Variants in SORCS3 observed in about 807,000 individuals in gnomAD.
The protein encoded by SORCS3 is sortilin related VPS10 domain containing receptor 3, also known as VPS10 domain-containing receptor SorCS3.
SORCS3 carries 57 observed loss-of-function variants against 146.3 expected under a neutral mutation model. The observed-to-expected ratio is 0.39, with a 90% CI of 0.31 to 0.49. The LOEUF (loss-of-function observed/expected upper bound fraction) is 0.49, where lower values mean the gene tolerates loss of function less well. Ranked by LOEUF, SORCS3 falls within the 20% of genes least tolerant of loss-of-function variation. The pLI, the probability that SORCS3 is intolerant of heterozygous loss-of-function variation, is 0.92. For missense variants in SORCS3, 1,341 were observed against 1,575.5 expected (o/e 0.85, Z 2.52); for synonymous variants, 653 against 618.5 (o/e 1.06, Z -0.83).
intron 3 of SORCS3, among the ~76,000 whole-genome samples, chr10:104,937,813 C>A (rs771763622): frequency 2.6e-5 from 4 of 152,230 alleles, no homozygotes; most frequent in Admixed American, 6.5e-5. Flanking sequence ...TGGACCTTGC[C>A]ACACTAATGG....
intron 1 of SORCS3, among the ~76,000 whole-genome samples, chr10:104,687,014 T>TATTCATCCATCCATGCATCCATGCATGA (rs1269557358): frequency 6.6e-6 from 1 of 151,964 alleles, no homozygotes; most frequent in African/African-American, 2.4e-5. Flanking sequence ...TCCATCTATC[T>TATTCATCCATCCATGCATCCATGCATGA]ATTCATCCAT....
At chr10:104,947,968 C>T (rs746366508) in intron 3 of SORCS3, among the ~76,000 whole-genome samples, 3 of 152,132 alleles carry the variant, frequency 2.0e-5, no homozygotes, top group Admixed American at 6.5e-5. Flanking sequence ...AAACAAAACT[C>T]CTTTTGTCTG....
rs535339929 is a variant in SORCS3, at chr10:104,991,117, T to G, written c.954+13624T>G. 5.3e-4 allele frequency among the ~76,000 whole-genome samples: 81 copies of G among 152,142 alleles called. 1 individual carries two copies. The highest frequency in any genetic ancestry group is 7.1e-4 in the Non-Finnish European group (48 of 68,014). On this transcript the variant is annotated intron_variant, in intron 4 of 26. Transcript: ENST00000369701. ...AGAGACGGTGCATCCAGGACATACT[T>G]TTGACTCCAGTTTCCATTGATCCCT...
chr10:104,661,629 A>G (rs1400196768), intron 1 of SORCS3, among the ~76,000 whole-genome samples: 2 of 152,180 alleles, frequency 1.3e-5, no homozygotes, highest in African/African-American at 4.8e-5. Context: ...TTACCTATAT[A>G]TTTATTAATA....
intron 1 of SORCS3, among the ~76,000 whole-genome samples, chr10:104,706,841 A>G (rs2016343241): frequency 1.3e-5 from 2 of 152,354 alleles, no homozygotes; most frequent in East Asian, 3.9e-4. Flanking sequence ...TAGGTCTATA[A>G]TGACTTTTTC....
intron 4 of SORCS3, among the ~76,000 whole-genome samples, chr10:104,984,837 T>C (rs963735346): frequency 6.6e-6 from 1 of 152,222 alleles, no homozygotes; most frequent in African/African-American, 2.4e-5. Flanking sequence ...TGTAGTCTAT[T>C]AAGTGTATAA....
At chr10:105,205,241 G>A (rs1054063583) in intron 16 of SORCS3, among the ~76,000 whole-genome samples, 1 of 152,150 alleles carries the variant, frequency 6.6e-6, no homozygotes, top group Non-Finnish European at 1.5e-5. Flanking sequence ...AAGAATTGAG[G>A]AATGCAACCT....
chr10:105,155,895 G>A (rs932601678), intron 9 of SORCS3, among the ~76,000 whole-genome samples: 22 of 152,080 alleles, frequency 1.4e-4, no homozygotes, highest in Admixed American at 1.2e-3. Flanking sequence ...CCATTTGTTT[G>A]TTTGTTTATT....
intron 1 of SORCS3, among the ~76,000 whole-genome samples, chr10:104,740,311 C>A (rs2016826500): frequency 6.6e-6 from 1 of 152,112 alleles, no homozygotes; most frequent in Admixed American, 6.5e-5. Context: ...AGTTTTGTAT[C>A]CCTTGATAAA....
At chr10:105,234,966 T>C (rs1377015504) in intron 20 of SORCS3, among the ~76,000 whole-genome samples, 1 of 152,094 alleles carries the variant, frequency 6.6e-6, no homozygotes, top group Non-Finnish European at 1.5e-5. Flanking sequence ...GGAATGGCTG[T>C]AAATAAGTCT....
intron 3 of SORCS3, among the ~76,000 whole-genome samples, chr10:104,920,560 T>C (rs967040513): frequency 3.9e-5 from 6 of 152,132 alleles, no homozygotes; most frequent in Non-Finnish European, 5.9e-5. Flanking sequence ...GGTAAGAAAA[T>C]AGACTTTGAT....
At chr10:104,693,068 C>T (rs2016133325) in intron 1 of SORCS3, among the ~76,000 whole-genome samples, 1 of 152,180 alleles carries the variant, frequency 6.6e-6, no homozygotes, top group African/African-American at 2.4e-5. Flanking sequence ...CCTCTTTGAG[C>T]CACATAAGCT....
In SORCS3 at chr10:105,262,489, T is replaced by G. The variant is rs199505192; in HGVS notation, c.3602T>G (p.Ile1201Arg). Residue 1201 changes from isoleucine to arginine, a missense_variant and splice_region_variant, in exon 26 of 27, where the codon ATA becomes AGA. By Grantham distance (97) the Ile-to-Arg change is moderately conservative (BLOSUM62 -3). Coordinates refer to ENST00000369701, the MANE Select transcript of SORCS3 (RefSeq NM_014978.3). ...LLDKELDTRV[I>R]GGIATIANSE... ...GACAAAGAGCTGGACACGCGGGTCA[T>G]AGGTACATGCTCCTGCTCCACTAAG... is the stretch of plus-strand genomic sequence containing the variant. 349 of 1,613,206 alleles carry G rather than the reference T, an allele frequency of 2.2e-4. 1 individual carries two copies. Among genetic ancestry groups the G allele is most frequent in the Non-Finnish European group, 2.7e-4 (324 of 1,179,760 alleles).
chr10:104,854,547 A>C (rs1312125399), intron 2 of SORCS3, among the ~76,000 whole-genome samples: 1 of 152,174 alleles, frequency 6.6e-6, no homozygotes, highest in Non-Finnish European at 1.5e-5. Flanking sequence ...ATCCACCAAC[A>C]TTATACAGAT....
At position 105,147,652 on chromosome 10, in the gene SORCS3, A is replaced by G. The variant is rs776198710; in HGVS notation, c.1338A>G (p.Val446=). The G allele has an allele frequency of 1.9e-6, 3 of 1,612,910 alleles. No homozygotes were observed. The highest frequency in any genetic ancestry group is 1.7e-6 in the Non-Finnish European group (2 of 1,179,166). Residue 446 remains valine, a synonymous_variant, in exon 9 of 27, where the codon GTA becomes GTG. Coordinates refer to ENST00000369701, the MANE Select transcript of SORCS3 (RefSeq NM_014978.3). ...TCATCAGTACAGACGAGAACCAAGT[A>G]TTTGCTGCGGTCCAAGAATGGAACC... ...MHIISTDENQ[V]FAAVQEWNQN...
intron 1 of SORCS3, among the ~76,000 whole-genome samples, chr10:104,730,734 G>C (rs2133452650): frequency 6.6e-6 from 1 of 152,288 alleles, no homozygotes; most frequent in South Asian, 2.1e-4. Context: ...ATGTTAGAAG[G>C]CACCTCTTCA....
intron 1 of SORCS3, among the ~76,000 whole-genome samples, chr10:104,766,262 C>G (rs2017178560): frequency 6.6e-6 from 1 of 152,116 alleles, no homozygotes; most frequent in African/African-American, 2.4e-5. Context: ...ATGAGCAGAG[C>G]TGAGAAAGTG....
At chr10:104,888,542 C>T (rs1021627122) in intron 2 of SORCS3, among the ~76,000 whole-genome samples, 1 of 130,838 alleles carries the variant, frequency 7.6e-6, no homozygotes, top group East Asian at 2.0e-4. Context: ...ACTACCTCTC[C>T]AGTACTCACC....
chr10:104,781,229 C>T (rs951815078), intron 1 of SORCS3, among the ~76,000 whole-genome samples: 7 of 152,160 alleles, frequency 4.6e-5, no homozygotes, highest in Admixed American at 4.6e-4. Context: ...CATCTGAAGC[C>T]AGAGAAGTTA....
Sources: gnomAD v4.1 joint callset for allele counts (sites outside exome capture counted in the v4.1 genomes callset) on GRCh38, gnomAD v4.1.1 for gene constraint, MANE v1.5 for transcripts, NCBI Gene and HGNC (gene_info 2026-07-23, HGNC 2026-07-21) for gene names.